Variants in AK5 observed in about 807,000 individuals in gnomAD.
The protein encoded by AK5 is adenylate kinase isoenzyme 5.
In AK5, 27 loss-of-function variants were observed where a neutral mutation model predicts 69.5. The observed-to-expected ratio is 0.39, with a 90% confidence interval of 0.29 to 0.54. The LOEUF is 0.54. Among genes scored for constraint, AK5 ranks in the 20% least tolerant of loss-of-function variants. The pLI is 0.71. For missense variants in AK5, 531 were observed against 700.4 expected, an observed-to-expected ratio of 0.76 and a Z score of 2.73; for synonymous variants, 260 against 244.4, an observed-to-expected ratio of 1.06 and a Z score of -0.60.
chr1:77,558,478 G>C, intron 13 of AK5, 124 bp from the exon 14 acceptor site: 1 of 467,258 alleles, frequency 2.1e-6, no homozygotes, highest in African/African-American at 5.2e-5. Flanking sequence ...TCTGTGTTTT[G>C]GGGGGGGTCT....
chr1:77,534,461 C>T (rs924185997), intron 12 of AK5, among the ~76,000 whole-genome samples: 2 of 152,166 alleles, frequency 1.3e-5, no homozygotes, highest in African/African-American at 4.8e-5. Context: ...ACACGGGGAA[C>T]CTAAGCCTCA....
chr1:77,539,745 A>T lies in AK5; in HGVS notation c.1620+3707A>T, dbSNP rs987625526. On this transcript the variant is annotated intron_variant, in intron 13 of 13. Transcript: ENST00000354567. ...TTGCCCAGTCCTCCTGCATCAGCTTAATCTCCCTTGGTTCCTAAGTAACAG... is the reference window on the plus strand; with the variant it reads ...TTGCCCAGTCCTCCTGCATCAGCTTTATCTCCCTTGGTTCCTAAGTAACAG... Among the ~76,000 whole-genome samples, 3 of 152,100 alleles carry T rather than the reference A, an allele frequency of 2.0e-5. No homozygotes were observed. The East Asian group carries it at 5.8e-4, about 29-fold the overall frequency.
intron 6 of AK5, among the ~76,000 whole-genome samples, chr1:77,372,188 A>G (rs968165671): frequency 1.3e-5 from 2 of 152,146 alleles, no homozygotes; most frequent in Admixed American, 6.5e-5. Flanking sequence ...AACAAAAAAA[A>G]AATTCCTTGG....
rs573760167 is a variant in AK5 at position 77,487,171 on chromosome 1, A to G, written c.1147+819A>G. The stretch of plus-strand genomic sequence containing the variant: ...TACCAACATTTTCTGAGCACCCACT[A>G]TGCTCCAGGTTATCTCAATTAATCC... On this transcript the variant is annotated intron_variant, in intron 10 of 13. Transcript: ENST00000354567. 1.9e-3 allele frequency among the ~76,000 whole-genome samples: 292 copies of G among 152,314 alleles called. 2 individuals carry two copies. The highest frequency in any genetic ancestry group is 6.8e-3 in the Middle Eastern group (2 of 294).
chr1:77,539,355 A>G (rs1659150943), intron 13 of AK5, among the ~76,000 whole-genome samples: 1 of 152,206 alleles, frequency 6.6e-6, no homozygotes, highest in South Asian at 2.1e-4. Flanking sequence ...GTGGTGAGGT[A>G]ACATTATGAT....
chr1:77,470,001 A>C (rs756759766), intron 8 of AK5, among the ~76,000 whole-genome samples: 6 of 152,268 alleles, frequency 3.9e-5, no homozygotes, highest in Non-Finnish European at 7.3e-5. Context: ...ACAATGGTGC[A>C]GGAAAGGACA....
intron 6 of AK5, among the ~76,000 whole-genome samples, chr1:77,391,495 G>GTATATATATATATATATATATATATATA (rs753916010): frequency 3.2e-5 from 2 of 63,406 alleles, no homozygotes; most frequent in Admixed American, 1.8e-4. Context: ...GTGTGTGTGT[G>GTATATATATATATATATATATATATATA]TATATATATA....
chr1:77,549,418 C>G (rs1659707894), intron 13 of AK5, among the ~76,000 whole-genome samples: 1 of 152,066 alleles, frequency 6.6e-6, no homozygotes, highest in Admixed American at 6.6e-5. Context: ...AGGTATCTAT[C>G]ACCTCAAGCG....
intron 6 of AK5, among the ~76,000 whole-genome samples, chr1:77,394,693 C>T (rs1371398904): frequency 1.3e-5 from 2 of 152,166 alleles, no homozygotes; most frequent in African/African-American, 4.8e-5. Flanking sequence ...CACTTTCTCA[C>T]TCATCTCTAA....
intron 5 of AK5, among the ~76,000 whole-genome samples, chr1:77,324,980 C>CTTTTTTTTTTTTTTTTTT (rs374298984): frequency 2.2e-5 from 3 of 139,196 alleles, no homozygotes; most frequent in African/African-American, 2.7e-5. Context: ...TTACGAGCTA[C>CTTTTTTTTTTTTTTTTTT]TTTTTTTTTT....
At chr1:77,327,825 T>C (rs566406535) in intron 5 of AK5, among the ~76,000 whole-genome samples, 2 of 152,230 alleles carry the variant, frequency 1.3e-5, no homozygotes, top group Non-Finnish European at 2.9e-5. Context: ...AAAGGGCACA[T>C]AATTATAGAC....
intron 6 of AK5, among the ~76,000 whole-genome samples, chr1:77,368,930 A>C (rs1450868088): frequency 1.3e-5 from 2 of 152,154 alleles, no homozygotes; most frequent in Non-Finnish European, 2.9e-5. Context: ...AGTTTATGTC[A>C]AGTCTACCAA....
intron 6 of AK5, among the ~76,000 whole-genome samples, chr1:77,391,505 A>ATATATATATATATATG (rs1648478403): frequency 2.9e-5 from 2 of 69,086 alleles, no homozygotes; most frequent in Non-Finnish European, 5.9e-5. Context: ...GTATATATAT[A>ATATATATATATATATG]TATATATATA....
chr1:77,485,771 A>G (rs2100727322), intron 9 of AK5, among the ~76,000 whole-genome samples: 1 of 152,312 alleles, frequency 6.6e-6, no homozygotes, highest in African/African-American at 2.4e-5. Flanking sequence ...TTTTGCCACC[A>G]AAAGTTGATC....
intron 11 of AK5, among the ~76,000 whole-genome samples, chr1:77,519,354 TG>T (rs1336271051): frequency 2.0e-5 from 3 of 152,150 alleles, no homozygotes; most frequent in African/African-American, 7.2e-5. Flanking sequence ...GTTTCCCACC[TG>T]GAAGCCAGAA....
At chr1:77,532,600 C>T (rs17385141) in intron 12 of AK5, among the ~76,000 whole-genome samples, 4,563 of 152,300 alleles carry the variant, frequency 0.03, 90 homozygotes, top group Non-Finnish European at 0.045. Context: ...TCATACTTCC[C>T]GGCAAGAGCG....
intron 5 of AK5, among the ~76,000 whole-genome samples, chr1:77,306,092 C>T (rs1659621229): frequency 6.6e-6 from 1 of 151,954 alleles, no homozygotes; most frequent in Admixed American, 6.6e-5. Context: ...GTAGCTATTG[C>T]TCTAGCTAGG....
intron 6 of AK5, among the ~76,000 whole-genome samples, chr1:77,389,804 A>G (rs1648297716): frequency 6.6e-6 from 1 of 152,010 alleles, no homozygotes; most frequent in Admixed American, 6.6e-5. Flanking sequence ...TCTACAAAAA[A>G]TACAAGAATC....
At chr1:77,367,569 ATATATAT>A (rs1646980365) in intron 6 of AK5, among the ~76,000 whole-genome samples, 1 of 31,628 alleles carries the variant, frequency 3.2e-5, no homozygotes, top group South Asian at 2.0e-3. Flanking sequence ...ATATATATAT[ATATATAT>A]ATAATATATA....
Sources: allele counts gnomAD v4.1 joint callset (sites outside exome capture counted in the v4.1 genomes callset), GRCh38; gene constraint gnomAD v4.1.1; transcripts MANE v1.5; gene names NCBI Gene and HGNC (gene_info 2026-07-23, HGNC 2026-07-21).